The following PKNOX1 variants were observed in gnomAD, a reference collection of about 807,000 sequenced individuals.
The protein encoded by PKNOX1 is homeobox protein PKNOX1.
PKNOX1 carries 15 observed loss-of-function variants against 51.9 expected under a neutral mutation model. The ratio of observed to expected loss-of-function variants is 0.29; its 90% CI spans 0.19 to 0.45. The LOEUF (loss-of-function observed/expected upper bound fraction) is 0.45. Ranked by LOEUF, PKNOX1 falls within the 20% of genes least tolerant of loss-of-function variation. PKNOX1 has a pLI of 1.00. For synonymous variants in PKNOX1, 219 were observed against 211.1 expected (o/e 1.04, Z -0.32); for missense variants, 462 against 547.5 (o/e 0.84, Z 1.56).
chr21:43,028,805 A>G lies in PKNOX1; in HGVS notation c.1030A>G (p.Arg344Gly), dbSNP rs1167651847. The G allele has an allele frequency of 6.2e-7, 1 of 1,613,954 alleles. No individual in the cohort carries two copies. Among genetic ancestry groups the G allele is most frequent in the Non-Finnish European group, 8.5e-7 (1 of 1,180,010 alleles). ...KKTAQNRPVQ[R>G]FWPDSIASGV... ...AACTGCTCAGAACCGGCCAGTTCAG[A>G]GGTTTTGGCCTGATTCTATTGCATC... The change falls in exon 10 of 11, where the codon AGG becomes GGG. Residue 344 changes from arginine to glycine, a missense_variant. Physicochemically the swap from Arg to Gly is moderately radical, Grantham distance 125. This residue lies in a region of PKNOX1 where 75 missense variants were observed against 129.8 expected (regional missense o/e 0.58). Coordinates refer to ENST00000291547, the MANE Select transcript of PKNOX1 (RefSeq NM_004571.5).
chr21:43,016,223 C>A (rs982580422), intron 5 of PKNOX1, among the ~76,000 whole-genome samples: 1 of 152,244 alleles, frequency 6.6e-6, no homozygotes, highest in African/African-American at 2.4e-5. Context: ...GCTGCCCACC[C>A]AGGCGTCACA....
Position 43,028,854 on chromosome 21 carries a change from G to T in PKNOX1, c.1079G>T (p.Ser360Ile), listed in dbSNP as rs1295939961. 1 of 1,614,170 alleles carries T rather than the reference G, an allele frequency of 6.2e-7. No individual in the cohort carries two copies. Among genetic ancestry groups the T allele is most frequent in the Admixed American group, 1.7e-5 (1 of 60,022 alleles). ...TCAGGAGTCGCACAGCCACCGCCGA[G>T]CGAGCTCACCATGTCGGAAGGTACA... ...IASGVAQPPP[S>I]ELTMSEGAVV... is the part of the protein sequence containing the mutation. Residue 360 changes from serine to isoleucine, a missense_variant, in exon 10 of 11, where the codon AGC (serine) becomes ATC (isoleucine). By Grantham distance (142) the Ser-to-Ile change is moderately radical (BLOSUM62 -2). Transcript: ENST00000291547.
intron 1 of PKNOX1, among the ~76,000 whole-genome samples, chr21:42,994,923 T>C (rs1055246340): frequency 1.2e-4 from 18 of 144,282 alleles, no homozygotes; most frequent in Middle Eastern, 3.5e-3. Context: ...TTCTTCTTTT[T>C]TTTTTTTTTT....
chr21:42,979,322 C>T (rs1011599404), intron 1 of PKNOX1, among the ~76,000 whole-genome samples: 3 of 152,218 alleles, frequency 2.0e-5, no homozygotes, highest in African/African-American at 7.2e-5. Flanking sequence ...ACAAAGTGAG[C>T]TCCTGTTTTT....
At chr21:42,998,077 A>C (rs1978589307) in intron 1 of PKNOX1, among the ~76,000 whole-genome samples, 1 of 152,142 alleles carries the variant, frequency 6.6e-6, no homozygotes, top group South Asian at 2.1e-4. Flanking sequence ...GTTGTACCCA[A>C]GACTGGGCAA....
chr21:43,014,741 A>G (rs1460009915), intron 5 of PKNOX1, among the ~76,000 whole-genome samples: 1 of 152,196 alleles, frequency 6.6e-6, no homozygotes, highest in African/African-American at 2.4e-5. Context: ...TTGCATTTAA[A>G]TCCGTGATCC....
Position 42,977,634 on chromosome 21 carries a change from ACCT to A in PKNOX1, c.-57+2973_-57+2975del, listed in dbSNP as rs2059004376. On this transcript the variant is annotated intron_variant, in intron 1 of 10. Transcript: ENST00000291547. ...GTGATCTCGGCTCACTGCAACCTCC[ACCT>A]CCCGGGTTCAAGCGATTCTCCTGCC... Among the ~76,000 whole-genome samples, 4 of 122,624 alleles carry A rather than the reference ACCT, an allele frequency of 3.3e-5. No homozygotes were observed. The Admixed American group carries it at 4.2e-4, about 13-fold the overall frequency. The allele number at this position is 122,624 out of a possible 152,430, so 80.4% of individuals were successfully genotyped here.
At chr21:42,986,427 G>C (rs752053686) in intron 1 of PKNOX1, among the ~76,000 whole-genome samples, 1 of 152,152 alleles carries the variant, frequency 6.6e-6, no homozygotes, top group African/African-American at 2.4e-5. Context: ...CTTGAACCTG[G>C]GTGGTGAAGA....
chr21:43,013,563 T>C (rs1279262791), intron 5 of PKNOX1, among the ~76,000 whole-genome samples: 1 of 152,222 alleles, frequency 6.6e-6, no homozygotes, highest in Non-Finnish European at 1.5e-5. Context: ...AAATTTACCA[T>C]CTTAGCTATT....
chr21:43,025,934 C>T (rs1376996160), intron 9 of PKNOX1, among the ~76,000 whole-genome samples: 1 of 152,178 alleles, frequency 6.6e-6, no homozygotes, highest in Non-Finnish European at 1.5e-5. Flanking sequence ...GTAGTCACAA[C>T]AGACTATACT....
At position 43,030,121 on chromosome 21, in the gene PKNOX1, T is replaced by C; in HGVS notation, c.*20T>C. 6.4e-7 allele frequency: 1 copy of C among 1,550,962 alleles called. No individual in the cohort carries two copies. Among genetic ancestry groups the C allele is most frequent in the Non-Finnish European group, 8.8e-7 (1 of 1,138,418 alleles). Reference sequence around the variant, plus strand: ...CAGTAGGGGCAGGAGCAGACGCACCTGACTTTTTGGAGTTTGCACAGCAAA... The same window carrying C: ...CAGTAGGGGCAGGAGCAGACGCACCCGACTTTTTGGAGTTTGCACAGCAAA... On this transcript the variant is annotated 3_prime_UTR_variant, in exon 11 of 11. Transcript: ENST00000291547.
chr21:43,014,883 C>T (rs543115072), intron 5 of PKNOX1, among the ~76,000 whole-genome samples: 49 of 152,292 alleles, frequency 3.2e-4, no homozygotes, highest in African/African-American at 1.2e-3. Context: ...TTAGAATGCT[C>T]TTGTCTAGAG....
chr21:42,984,986 T>C (rs1411268161), intron 1 of PKNOX1, among the ~76,000 whole-genome samples: 50 of 131,652 alleles, frequency 3.8e-4, no homozygotes, highest in South Asian at 1.3e-3. Flanking sequence ...TTTTTTTTTT[T>C]TTTTTTTTTT....
intron 1 of PKNOX1, 149 bp from the exon 2 acceptor site, chr21:43,004,177 A>C: frequency 2.4e-6 from 1 of 420,562 alleles, no homozygotes; most frequent in Non-Finnish European, 4.5e-6. Context: ...GCGGAGGTTG[A>C]GGTGAGCCGA....
chr21:42,976,510 A>C (rs560932803), intron 1 of PKNOX1, among the ~76,000 whole-genome samples: 2 of 152,370 alleles, frequency 1.3e-5, no homozygotes, highest in East Asian at 3.9e-4. Flanking sequence ...TTTTAACCAC[A>C]GTGAAAATTC....
At chr21:42,988,976 G>A (rs1305960169) in intron 1 of PKNOX1, among the ~76,000 whole-genome samples, 1 of 146,338 alleles carries the variant, frequency 6.8e-6, no homozygotes. Flanking sequence ...CCCCCTCACT[G>A]GTCTTTGACT....
intron 1 of PKNOX1, among the ~76,000 whole-genome samples, chr21:42,978,398 GTGTA>G (rs912093798): frequency 1.1e-4 from 16 of 151,124 alleles, no homozygotes; most frequent in African/African-American, 3.9e-4. Context: ...TCAAAAATTT[GTGTA>G]TGTATTTTTT....
chr21:42,994,803 T>C (rs1478893755), intron 1 of PKNOX1, among the ~76,000 whole-genome samples: 2 of 152,154 alleles, frequency 1.3e-5, no homozygotes, highest in Non-Finnish European at 2.9e-5. Context: ...TATATAATAC[T>C]ATATATTCAC....
At position 42,993,856 on chromosome 21, in the gene PKNOX1, C is replaced by T. The variant is rs1425267522; in HGVS notation, c.-56-10470C>T. 2.6e-5 allele frequency among the ~76,000 whole-genome samples: 4 copies of T among 151,106 alleles called. No homozygotes were observed. In the East Asian group the frequency reaches 5.9e-4, roughly 22 times the overall value. On this transcript the variant is annotated intron_variant, in intron 1 of 10. Coordinates refer to ENST00000291547, the MANE Select transcript of PKNOX1 (RefSeq NM_004571.5). Reference sequence around the variant, plus strand: ...CAAGTGATTCTCCTGGCTCAGCCTCCGGAGTAGCTGGGATTACAGGCACAC... The same window carrying T: ...CAAGTGATTCTCCTGGCTCAGCCTCTGGAGTAGCTGGGATTACAGGCACAC...
Sources: allele counts gnomAD v4.1 joint callset (sites outside exome capture counted in the v4.1 genomes callset), GRCh38; gene constraint gnomAD v4.1.1; regional missense constraint gnomAD v4.1.1; transcripts MANE v1.5; gene names NCBI Gene and HGNC (gene_info 2026-07-23, HGNC 2026-07-21).